Variants in UMAD1 observed in about 807,000 individuals in gnomAD.
UMAD1 encodes UBAP1-MVB12-associated (UMA) domain containing 1.
A neutral mutation model predicts 6.1 loss-of-function variants in UMAD1; 8 were observed. The ratio of observed to expected loss-of-function variants is 1.30; its 90% CI spans 0.76 to 2.35. The LOEUF is 2.35. Among genes scored for constraint, UMAD1 ranks in the 30% most tolerant of loss-of-function variants. The pLI is 0.00. For missense variants in UMAD1, 130 were observed against 78.4 expected, an observed-to-expected ratio of 1.66 and a Z score of -2.49; for synonymous variants, 56 against 31.4, an observed-to-expected ratio of 1.78 and a Z score of -2.61.
intron 2 of UMAD1, among the ~76,000 whole-genome samples, chr7:7,799,360 T>C (rs1323431707): frequency 1.3e-5 from 2 of 152,252 alleles, no homozygotes; most frequent in Admixed American, 6.5e-5. Flanking sequence ...ACAGTGATTC[T>C]GCAATTGCTT....
intron 2 of UMAD1, among the ~76,000 whole-genome samples, chr7:7,768,528 C>T (rs771262573): frequency 1.3e-5 from 2 of 152,108 alleles, no homozygotes; most frequent in Admixed American, 6.5e-5. Flanking sequence ...GCTCATCCTC[C>T]GAGATTAAAC....
chr7:7,874,960 G>A (rs1563278796), intron 3 of UMAD1, among the ~76,000 whole-genome samples: 2 of 152,110 alleles, frequency 1.3e-5, no homozygotes, highest in Non-Finnish European at 1.5e-5. Flanking sequence ...TTTTAGTACA[G>A]ACGGGGTTTC....
intron 3 of UMAD1, among the ~76,000 whole-genome samples, chr7:7,857,524 C>G (rs1365928212): frequency 6.6e-6 from 1 of 152,190 alleles, no homozygotes; most frequent in East Asian, 1.9e-4. Context: ...GACAACTGAC[C>G]ACAGAGGACT....
intron 2 of UMAD1, among the ~76,000 whole-genome samples, chr7:7,797,354 A>C (rs970077983): frequency 3.9e-5 from 6 of 152,210 alleles, no homozygotes; most frequent in Non-Finnish European, 8.8e-5. Context: ...TGGAGGGGAC[A>C]CACATCCAAA....
At chr7:7,748,973 C>G (rs1053948350) in intron 2 of UMAD1, among the ~76,000 whole-genome samples, 2 of 152,066 alleles carry the variant, frequency 1.3e-5, no homozygotes, top group Non-Finnish European at 2.9e-5. Context: ...TCCTATTACA[C>G]ATGATTTTCT....
chr7:7,789,558 G>A (rs1294289749), intron 2 of UMAD1, among the ~76,000 whole-genome samples: 1 of 151,196 alleles, frequency 6.6e-6, no homozygotes, highest in African/African-American at 2.5e-5. Context: ...TCTCATTGTT[G>A]TACAACAGAT....
chr7:7,748,103 A>ATTTTTTTTTTTTTTTTTTTTTTTTTTTTT (rs35368211), intron 2 of UMAD1, among the ~76,000 whole-genome samples: 1 of 140,162 alleles, frequency 7.1e-6, no homozygotes. Context: ...CGCCCAGCTA[A>ATTTTTTTTTTTTTTTTTTTTTTTTTTTTT]TTTTTTTTTT....
chr7:7,859,682 A>T (rs1784079570), intron 3 of UMAD1, among the ~76,000 whole-genome samples: 1 of 152,174 alleles, frequency 6.6e-6, no homozygotes, highest in Non-Finnish European at 1.5e-5. Context: ...GAGACTTGAG[A>T]CCAGTGCTCT....
At chr7:7,655,827 C>G (rs2115081681) in intron 1 of UMAD1, among the ~76,000 whole-genome samples, 1 of 151,750 alleles carries the variant, frequency 6.6e-6, no homozygotes, top group South Asian at 2.1e-4. Context: ...CAGTCTCTCT[C>G]TCTCTCTCTC....
intron 2 of UMAD1, among the ~76,000 whole-genome samples, chr7:7,790,741 CAT>C (rs1403510699): frequency 6.6e-6 from 1 of 152,202 alleles, no homozygotes; most frequent in Non-Finnish European, 1.5e-5. Flanking sequence ...AGCTGAATGA[CAT>C]GTGTGACATC....
chr7:7,670,145 T>C (rs921791327), intron 1 of UMAD1, among the ~76,000 whole-genome samples: 3 of 152,224 alleles, frequency 2.0e-5, no homozygotes, highest in Admixed American at 1.3e-4. Context: ...TTTGTTTTCT[T>C]ATACTACACT....
chr7:7,827,946 T>C (rs907692174), intron 3 of UMAD1, among the ~76,000 whole-genome samples: 1 of 152,212 alleles, frequency 6.6e-6, no homozygotes, highest in Non-Finnish European at 1.5e-5. Flanking sequence ...CAAAATGTTA[T>C]AGATGACTTT....
intron 2 of UMAD1, chr7:7,742,099 A>G (rs910870219): frequency 1.9e-5 from 11 of 585,292 alleles, no homozygotes; most frequent in African/African-American, 1.9e-4. Context: ...TGATATGATG[A>G]AAGTTTGGCA....
chr7:7,748,854 A>T (rs2115216452), intron 2 of UMAD1, among the ~76,000 whole-genome samples: 1 of 152,242 alleles, frequency 6.6e-6, no homozygotes, highest in South Asian at 2.1e-4. Context: ...ATACTTTAGG[A>T]TTTAGCTCTA....
chr7:7,766,484 T>A (rs6463717), intron 2 of UMAD1, among the ~76,000 whole-genome samples: 26,442 of 152,148 alleles, frequency 0.17, 2,670 homozygotes, highest in African/African-American at 0.28. Flanking sequence ...ACTCACATAA[T>A]AAAAGAACTC....
chr7:7,744,107 G>GTCAC (rs1781525052), intron 2 of UMAD1, among the ~76,000 whole-genome samples: 2 of 151,946 alleles, frequency 1.3e-5, no homozygotes, highest in Admixed American at 1.3e-4. Flanking sequence ...CCTAACCCTA[G>GTCAC]TCACTCAGGA....
chr7:7,826,188 A>T (rs1221927512), intron 3 of UMAD1, among the ~76,000 whole-genome samples: 2 of 152,168 alleles, frequency 1.3e-5, no homozygotes, highest in Non-Finnish European at 2.9e-5. Flanking sequence ...ATATTCCTGA[A>T]CTGGTGGCCT....
At chr7:7,781,906 G>T (rs1286617185) in intron 2 of UMAD1, among the ~76,000 whole-genome samples, 1 of 151,966 alleles carries the variant, frequency 6.6e-6, no homozygotes, top group East Asian at 1.9e-4. Flanking sequence ...ATTCTGATCT[G>T]TTCTTTTAAT....
In UMAD1 at chr7:7,696,733, A is replaced by G. The variant is rs1026260729; in HGVS notation, c.82+23280A>G. On this transcript the variant is annotated intron_variant, in intron 2 of 3. Transcript: ENST00000682710. ...TAGAACTGCTCAAAGTCAGCTCTCA[A>G]TAGTGGGCACTGATTCTTGCCAACT... Among the ~76,000 whole-genome samples, 26 of 152,178 alleles carry G rather than the reference A, an allele frequency of 1.7e-4. 1 individual carries two copies. Among genetic ancestry groups the G allele is most frequent in the Admixed American group, 1.4e-3 (21 of 15,282 alleles).
Sources: allele counts gnomAD v4.1 joint callset (sites outside exome capture counted in the v4.1 genomes callset), GRCh38; gene constraint gnomAD v4.1.1; transcripts MANE v1.5; gene names NCBI Gene and HGNC (gene_info 2026-07-23, HGNC 2026-07-21).